Variants in HYAL4 observed in about 807,000 individuals in gnomAD.
HYAL4 encodes the protein hyaluronidase-4.
HYAL4 carries 37 observed loss-of-function variants against 35.2 expected under a neutral mutation model. That is an observed-to-expected ratio of 1.05 (90% CI 0.81 to 1.38). HYAL4 has a LOEUF of 1.38. Ranked by LOEUF, HYAL4 falls within the 40% of genes most tolerant of loss-of-function variation. The pLI is 0.00. For missense variants in HYAL4, 572 were observed against 572.4 expected (o/e 1.00, Z 0.01); for synonymous variants, 198 against 203.2 (o/e 0.97, Z 0.22).
At chr7:123,826,035 C>G (rs551034767), upstream of HYAL4, among the ~76,000 whole-genome samples, 1 of 151,506 alleles carries the variant, frequency 6.6e-6, no homozygotes, top group Non-Finnish European at 1.5e-5. Flanking sequence ...TTTCCAGATC[C>G]AAAGACAGAG....
At chr7:123,772,986 T>G in the HYAL4 span, among the ~76,000 whole-genome samples, 2 of 152,130 alleles carry the variant, frequency 1.3e-5, no homozygotes, top group Non-Finnish European at 2.9e-5. Context: ...CCGCATTGTC[T>G]CTCCTAAGAT....
chr7:123,867,357 G>A (rs1278180808), intron 2 of HYAL4, among the ~76,000 whole-genome samples: 2 of 152,132 alleles, frequency 1.3e-5, no homozygotes, highest in Non-Finnish European at 2.9e-5. Context: ...TAAGAAAGAG[G>A]ACTTGGTCAA....
the HYAL4 span, among the ~76,000 whole-genome samples, chr7:123,822,736 G>T: frequency 5.3e-5 from 8 of 152,198 alleles, no homozygotes; most frequent in Non-Finnish European, 8.8e-5. Context: ...AGGGATGAAG[G>T]TTGCTTGAGG....
chr7:123,871,730 A>G (rs1460152349), intron 3 of HYAL4, among the ~76,000 whole-genome samples: 1 of 152,226 alleles, frequency 6.6e-6, no homozygotes, highest in Non-Finnish European at 1.5e-5. Context: ...CTGACCTAGC[A>G]AAAGTATGAT....
At chr7:123,790,926 G>A in the HYAL4 span, among the ~76,000 whole-genome samples, 13 of 151,664 alleles carry the variant, frequency 8.6e-5, no homozygotes, top group Admixed American at 8.5e-4. Flanking sequence ...CACCACACTC[G>A]GCTAATTTTT....
At chr7:123,790,346 A>G in the HYAL4 span, among the ~76,000 whole-genome samples, 1 of 152,178 alleles carries the variant, frequency 6.6e-6, no homozygotes, top group Non-Finnish European at 1.5e-5. Flanking sequence ...TAAATGACAA[A>G]TCTGAGGCAC....
chr7:123,811,517 T>A, the HYAL4 span, among the ~76,000 whole-genome samples: 1 of 152,244 alleles, frequency 6.6e-6, no homozygotes, highest in African/African-American at 2.4e-5. Flanking sequence ...TTGCTCATTT[T>A]TAAATCTGTT....
chr7:123,780,756 C>T, the HYAL4 span, among the ~76,000 whole-genome samples: 1 of 150,006 alleles, frequency 6.7e-6, no homozygotes. Context: ...TTCTGTTAAT[C>T]TATAACCTTA....
At chr7:123,771,920 A>AG in the HYAL4 span, among the ~76,000 whole-genome samples, 1 of 151,660 alleles carries the variant, frequency 6.6e-6, no homozygotes, top group Non-Finnish European at 1.5e-5. Context: ...TGCGGGTCTG[A>AG]GTAGAACAAA....
the HYAL4 span, among the ~76,000 whole-genome samples, chr7:123,795,507 T>A: frequency 6.6e-5 from 10 of 152,112 alleles, no homozygotes; most frequent in Non-Finnish European, 1.5e-4. Context: ...AATTTAGTCA[T>A]GGGGTGTTTT....
At chr7:123,862,474 A>T (rs1267461705) in intron 2 of HYAL4, among the ~76,000 whole-genome samples, 1 of 152,206 alleles carries the variant, frequency 6.6e-6, no homozygotes, top group Non-Finnish European at 1.5e-5. Context: ...AAGGGAGTAT[A>T]TGCTTTGAAA....
chr7:123,789,215 A>T, the HYAL4 span, among the ~76,000 whole-genome samples: 1 of 152,246 alleles, frequency 6.6e-6, no homozygotes, highest in African/African-American at 2.4e-5. Flanking sequence ...CAAACACACA[A>T]ATAACTATAA....
intron 2 of HYAL4, among the ~76,000 whole-genome samples, chr7:123,860,819 C>T (rs1013590803): frequency 6.6e-5 from 10 of 152,158 alleles, no homozygotes; most frequent in Non-Finnish European, 1.5e-4. Flanking sequence ...GGAATGTACT[C>T]TTTCTTCATT....
chr7:123,874,560 G>A (rs1421460600), intron 3 of HYAL4, among the ~76,000 whole-genome samples: 1 of 151,984 alleles, frequency 6.6e-6, no homozygotes, highest in East Asian at 1.9e-4. Context: ...CCACCACCAC[G>A]CCTGGCTAAT....
At chr7:123,842,302 C>A (rs1041174253), upstream of HYAL4, among the ~76,000 whole-genome samples, 1 of 151,906 alleles carries the variant, frequency 6.6e-6, no homozygotes, top group Non-Finnish European at 1.5e-5. Context: ...TGTAGTAGTG[C>A]GGTTTGGAGT....
At chr7:123,796,124 T>A in the HYAL4 span, among the ~76,000 whole-genome samples, 2 of 152,204 alleles carry the variant, frequency 1.3e-5, no homozygotes, top group Non-Finnish European at 2.9e-5. Flanking sequence ...TTTGAACTTT[T>A]GCCAATGCAA....
chr7:123,781,053 C>T, the HYAL4 span, among the ~76,000 whole-genome samples: 535 of 47,560 alleles, frequency 0.011, 20 homozygotes, highest in South Asian at 0.021. Context: ...GCCCGACACC[C>T]GTAAAGGGTC....
chr7:123,857,665 G>GTTTCTTTCTTTGTTTCTTCC lies in HYAL4; in HGVS notation c.-52+9510_-52+9511insCTTTCTTTGTTTCTTCCTTT, dbSNP rs71163707. On this transcript the variant is annotated intron_variant, in intron 2 of 4. Transcript: ENST00000223026. ...GCTGCCTTTCTTTGTTTCTTTCTTTGTTTGTTTCTTTCTTTCTTTCTTTCT... is the reference window on the plus strand; with the variant it reads ...GCTGCCTTTCTTTGTTTCTTTCTTTGTTTCTTTCTTTGTTTCTTCCTTTGTTTCTTTCTTTCTTTCTTTCT... Among the ~76,000 whole-genome samples, 98 of 95,594 alleles carry GTTTCTTTCTTTGTTTCTTCC rather than the reference G, an allele frequency of 1.0e-3. 2 individuals are homozygous for GTTTCTTTCTTTGTTTCTTCC. The East Asian group carries it at 0.018, about 17-fold the overall frequency. 62.7% of individuals were successfully genotyped at this position (95,594 alleles called of 152,430 possible).
chr7:123,787,082 G>A, the HYAL4 span, among the ~76,000 whole-genome samples: 2 of 145,226 alleles, frequency 1.4e-5, no homozygotes, highest in African/African-American at 5.2e-5. Flanking sequence ...ACTCCAGCCT[G>A]GGCAACAAGA....
Sources: gnomAD v4.1 joint callset for allele counts (sites outside exome capture counted in the v4.1 genomes callset) on GRCh38, gnomAD v4.1.1 for gene constraint, MANE v1.5 for transcripts, NCBI Gene and HGNC (gene_info 2026-07-23, HGNC 2026-07-21) for gene names.